DNAJB14: variants seen among roughly 807,000 people sequenced by gnomAD.
The protein encoded by DNAJB14 is DnaJ heat shock protein family (Hsp40) member B14, also known as dnaJ homolog subfamily B member 14.
In DNAJB14, 22 loss-of-function variants were observed where a neutral mutation model predicts 48.4. That is an observed-to-expected ratio of 0.45 (90% CI 0.32 to 0.65). The LOEUF is 0.65. Among genes scored for constraint, DNAJB14 ranks in the 30% least tolerant of loss-of-function variants. The probability of loss-of-function intolerance (pLI) is 0.03; values close to 1 mark genes in which losing one functional copy is unlikely to be tolerated. For synonymous variants in DNAJB14, 142 were observed against 158.7 expected (o/e 0.89, Z 0.79); for missense variants, 319 against 458.8 (o/e 0.70, Z 2.78).
chr4:99,939,359 C>G (rs1056666264), intron 1 of DNAJB14, among the ~76,000 whole-genome samples: 1 of 152,146 alleles, frequency 6.6e-6, no homozygotes, highest in Admixed American at 6.5e-5. Flanking sequence ...GAGACTCCAT[C>G]TCAAAAAATT....
chr4:99,933,303 CTTTTTTTTTTTTTTT>C (rs759298582), intron 1 of DNAJB14, among the ~76,000 whole-genome samples: 1 of 88,776 alleles, frequency 1.1e-5, no homozygotes, highest in African/African-American at 4.5e-5. Flanking sequence ...CATAAACAGT[CTTTTTTTTTTTTTTT>C]TTTTTTTTGA....
intron 5 of DNAJB14, chr4:99,905,972 C>T (rs1450148417): frequency 6.2e-6 from 8 of 1,286,840 alleles, no homozygotes; most frequent in East Asian, 3.9e-5. Flanking sequence ...TTCTCTTTCC[C>T]GACTCCCTCC....
chr4:99,916,068 T>C (rs1725844557), intron 3 of DNAJB14, among the ~76,000 whole-genome samples: 1 of 152,210 alleles, frequency 6.6e-6, no homozygotes, highest in South Asian at 2.1e-4. Context: ...TTACATGATA[T>C]ATTTTTTCAA....
chr4:99,909,320 T>A (rs1218192920), intron 3 of DNAJB14, among the ~76,000 whole-genome samples: 2 of 152,030 alleles, frequency 1.3e-5, no homozygotes, highest in Non-Finnish European at 2.9e-5. Flanking sequence ...GCCCTGAAAT[T>A]CAAGAAGGTT....
Position 99,944,738 on chromosome 4 carries a change from C to A in DNAJB14, c.133+1701G>T, listed in dbSNP as rs191186661. ...TACAGGCATGCACCACCACGCCTGG[C>A]TAATTTTTTTGTATTTTTAGTAGAG... On this transcript the variant is annotated intron_variant, in intron 1 of 7. Coordinates refer to ENST00000442697, the MANE Select transcript of DNAJB14 (RefSeq NM_001031723.4). Among the ~76,000 whole-genome samples the A allele has an allele frequency of 2.2e-3, 337 of 151,948 alleles. 2 individuals are homozygous for A. The highest frequency in any genetic ancestry group is 7.8e-3 in the African/African-American group (321 of 41,398).
intron 1 of DNAJB14, chr4:99,941,984 T>A (rs922343989): frequency 6.6e-6 from 1 of 152,056 alleles, no homozygotes; most frequent in African/African-American, 2.4e-5. Context: ...AAGACTGAAA[T>A]TATCTTAAAA....
chr4:99,909,317 A>T (rs898078160), intron 3 of DNAJB14, among the ~76,000 whole-genome samples: 5 of 152,022 alleles, frequency 3.3e-5, no homozygotes, highest in African/African-American at 1.2e-4. Context: ...AGGGCCCTGA[A>T]ATTCAAGAAG....
intron 2 of DNAJB14, chr4:99,927,846 T>C (rs1481688000): frequency 1.3e-5 from 2 of 152,104 alleles, no homozygotes; most frequent in African/African-American, 4.8e-5. Context: ...CCCCTGTGTA[T>C]AGGTAAAAGA....
intron 3 of DNAJB14, among the ~76,000 whole-genome samples, chr4:99,913,618 G>A (rs1725745279): frequency 7.5e-6 from 1 of 134,114 alleles, no homozygotes; most frequent in Non-Finnish European, 1.6e-5. Flanking sequence ...ATACTGGTCT[G>A]TAGTTTTTTT....
rs1279293204 is a variant in DNAJB14 at position 99,903,770 on chromosome 4, T to C, written c.971A>G (p.Tyr324Cys). The C allele has an allele frequency of 6.2e-7, 1 of 1,612,070 alleles. No homozygotes were observed. The highest frequency in any genetic ancestry group is 8.5e-7 in the Non-Finnish European group (1 of 1,179,186). The stretch of plus-strand genomic sequence containing the variant: ...GCAGTTATTTCGAATATTAGTCACA[T>C]AATCTTCCTCCACACTCTTTTCTAC... ...QKVEKSVEED[Y>C]VTNIRNNCWK... is the part of the protein sequence containing the mutation. The change falls in exon 7 of 8, where the codon TAT becomes TGT. Residue 324 changes from tyrosine (Y) to cysteine (C), a missense_variant. This residue lies in a region of DNAJB14 where 166 missense variants were observed against 236.3 expected (regional missense o/e 0.70). Coordinates refer to ENST00000442697, the MANE Select transcript of DNAJB14 (RefSeq NM_001031723.4).
chr4:99,931,247 G>A (rs948491807), intron 1 of DNAJB14, among the ~76,000 whole-genome samples: 4 of 152,128 alleles, frequency 2.6e-5, no homozygotes, highest in African/African-American at 9.7e-5. Context: ...GTAAATATGA[G>A]AGTAAATGTG....
rs1230000724 is a variant in DNAJB14 at position 99,897,197 on chromosome 4, A to ATAT, written c.*3830_*3831insATA. ...GAGGTAATTAGCTGGGAAAAAAAAA[A>ATAT]AAAAATATATATATATATATATACA... On this transcript the variant is annotated 3_prime_UTR_variant, in exon 8 of 8. Coordinates refer to ENST00000442697, the MANE Select transcript of DNAJB14 (RefSeq NM_001031723.4). The ATAT allele has an allele frequency of 2.2e-5, 3 of 137,458 alleles. No homozygotes were observed. The highest frequency in any genetic ancestry group is 8.5e-5 in the African/African-American group (3 of 35,110). 8.5% of individuals were successfully genotyped at this position (137,458 alleles called of 1,614,324 possible).
chr4:99,911,843 G>C (rs1211370832), intron 3 of DNAJB14, among the ~76,000 whole-genome samples: 1 of 151,970 alleles, frequency 6.6e-6, no homozygotes, highest in Non-Finnish European at 1.5e-5. Context: ...CCATCCTGGA[G>C]CTTCTTTTCA....
chr4:99,912,192 T>A (rs1021948010), intron 3 of DNAJB14, among the ~76,000 whole-genome samples: 3 of 152,232 alleles, frequency 2.0e-5, no homozygotes, highest in Admixed American at 2.0e-4. Context: ...TATATTGGTA[T>A]CAGTCTATTT....
At chr4:99,901,235 G>A (rs770153586) in intron 7 of DNAJB14, 83 bp from the exon 8 acceptor site, 8 of 1,223,328 alleles carry the variant, frequency 6.5e-6, no homozygotes, top group Non-Finnish European at 8.8e-6. Flanking sequence ...CTTTACAGGA[G>A]CCCTTTGATA....
At chr4:99,938,708 G>T (rs1726779947) in intron 1 of DNAJB14, among the ~76,000 whole-genome samples, 2 of 152,222 alleles carry the variant, frequency 1.3e-5, no homozygotes, top group Non-Finnish European at 2.9e-5. Context: ...AAGTTTGAAT[G>T]ATTTTATATT....
intron 3 of DNAJB14, among the ~76,000 whole-genome samples, chr4:99,920,838 CAAG>C (rs2110206775): frequency 6.6e-6 from 1 of 152,230 alleles, no homozygotes; most frequent in African/African-American, 2.4e-5. Flanking sequence ...GAAATGAAAG[CAAG>C]TAGTTTCCAT....
chr4:99,917,975 G>A (rs1560737483), intron 3 of DNAJB14, among the ~76,000 whole-genome samples: 2 of 152,060 alleles, frequency 1.3e-5, no homozygotes, highest in African/African-American at 2.4e-5. Flanking sequence ...TTATCAGTTT[G>A]GGGTTCATTC....
intron 1 of DNAJB14, among the ~76,000 whole-genome samples, chr4:99,943,985 A>G (rs992124415): frequency 1.3e-5 from 2 of 152,204 alleles, no homozygotes; most frequent in African/African-American, 4.8e-5. Context: ...TGCAAATCAC[A>G]TATCTGATAA....
Sources: allele counts gnomAD v4.1 joint callset (sites outside exome capture counted in the v4.1 genomes callset), GRCh38; gene constraint gnomAD v4.1.1; regional missense constraint gnomAD v4.1.1; transcripts MANE v1.5; gene names NCBI Gene and HGNC (gene_info 2026-07-23, HGNC 2026-07-21).